The following WWOX variants were observed in gnomAD, a reference collection of about 807,000 sequenced individuals.
WWOX encodes WW domain-containing oxidoreductase.
Under a neutral mutation model 46.2 loss-of-function variants are expected in WWOX, and 69 were observed. The ratio of observed to expected loss-of-function variants is 1.49; its 90% CI spans 1.23 to 1.82. The LOEUF (loss-of-function observed/expected upper bound fraction) is 1.82. Ranked by LOEUF, WWOX falls within the 40% of genes most tolerant of loss-of-function variation. WWOX has a pLI of 0.00. For synonymous variants in WWOX, 359 were observed against 202.6 expected (o/e 1.77, Z -6.56); for missense variants, 919 against 542.6 (o/e 1.69, Z -6.89).
At chr16:78,646,040 T>A (rs2046832492) in intron 8 of WWOX, among the ~76,000 whole-genome samples, 1 of 152,152 alleles carries the variant, frequency 6.6e-6, no homozygotes, top group African/African-American at 2.4e-5. Flanking sequence ...ACCTTTTAGA[T>A]CCTTTGTGAC....
At chr16:78,474,829 C>G (rs1028960112) in intron 8 of WWOX, among the ~76,000 whole-genome samples, 14 of 152,162 alleles carry the variant, frequency 9.2e-5, no homozygotes, top group African/African-American at 1.9e-4. Flanking sequence ...TGGGCTCACA[C>G]GATATGTGGT....
At chr16:78,968,539 C>G (rs1424042178) in intron 8 of WWOX, among the ~76,000 whole-genome samples, 4 of 152,180 alleles carry the variant, frequency 2.6e-5, no homozygotes, top group African/African-American at 9.7e-5. Context: ...ATTATGATGA[C>G]TGTTATAAGT....
intron 8 of WWOX, among the ~76,000 whole-genome samples, chr16:78,931,839 C>A (rs929045113): frequency 2.0e-5 from 3 of 152,288 alleles, no homozygotes; most frequent in Non-Finnish European, 1.5e-5. Context: ...ATAATCCCCA[C>A]GCCACATGGG....
intron 6 of WWOX, among the ~76,000 whole-genome samples, chr16:78,422,229 C>T (rs1203365350): frequency 6.6e-6 from 1 of 152,102 alleles, no homozygotes. Flanking sequence ...ATATTCGTCA[C>T]TTTTGTTCCA....
intron 8 of WWOX, among the ~76,000 whole-genome samples, chr16:78,783,197 G>C (rs531229603): frequency 2.0e-5 from 3 of 152,318 alleles, no homozygotes; most frequent in South Asian, 4.1e-4. Context: ...CTGATAATTG[G>C]AGATACATGC....
At chr16:78,320,625 A>G (rs569655971) in intron 5 of WWOX, among the ~76,000 whole-genome samples, 2 of 152,360 alleles carry the variant, frequency 1.3e-5, no homozygotes, top group South Asian at 4.1e-4. Flanking sequence ...TCAACCAAAG[A>G]CAGCAGGCTG....
intron 7 of WWOX, among the ~76,000 whole-genome samples, chr16:78,429,093 C>G (rs968766550): frequency 2.0e-5 from 3 of 152,186 alleles, no homozygotes; most frequent in Non-Finnish European, 2.9e-5. Context: ...TGAGTCCTTA[C>G]TATGTGTCAG....
intron 8 of WWOX, among the ~76,000 whole-genome samples, chr16:78,715,920 T>C (rs1396710090): frequency 6.6e-6 from 1 of 152,050 alleles, no homozygotes; most frequent in Non-Finnish European, 1.5e-5. Context: ...CTGCCAGAGG[T>C]AGAGCCTTGG....
chr16:78,808,652 T>A (rs544840298), intron 8 of WWOX, among the ~76,000 whole-genome samples: 40 of 152,316 alleles, frequency 2.6e-4, no homozygotes, highest in African/African-American at 8.7e-4. Context: ...CATGCCATCA[T>A]CTTTAATTTC....
intron 8 of WWOX, among the ~76,000 whole-genome samples, chr16:79,097,586 C>A (rs2049102771): frequency 6.6e-6 from 1 of 152,090 alleles, no homozygotes. Flanking sequence ...CTACTGAGAA[C>A]CAGAGAGAGC....
chr16:78,478,863 C>G (rs935759485), intron 8 of WWOX, among the ~76,000 whole-genome samples: 4 of 152,048 alleles, frequency 2.6e-5, no homozygotes, highest in Non-Finnish European at 4.4e-5. Context: ...CAAGCCCTTT[C>G]TGAATAAGCT....
At chr16:78,601,886 G>A (rs918142336) in intron 8 of WWOX, among the ~76,000 whole-genome samples, 1 of 152,094 alleles carries the variant, frequency 6.6e-6, no homozygotes, top group Non-Finnish European at 1.5e-5. Flanking sequence ...TTTAAGTGCC[G>A]AGCTGGGTTT....
chr16:78,331,129 G>T (rs1287728927), intron 5 of WWOX, among the ~76,000 whole-genome samples: 1 of 152,124 alleles, frequency 6.6e-6, no homozygotes, highest in African/African-American at 2.4e-5. Flanking sequence ...TACGGTCCCT[G>T]AATATGTTCG....
chr16:78,557,757 G>A (rs944485642), intron 8 of WWOX, among the ~76,000 whole-genome samples: 5 of 143,622 alleles, frequency 3.5e-5, no homozygotes, highest in South Asian at 2.2e-4. Flanking sequence ...GTGCAGTGGC[G>A]CGATGTCAGC....
In WWOX at chr16:78,906,669, G is replaced by A. The variant is rs560974498; in HGVS notation, c.1057-304939G>A. 2.0e-5 allele frequency among the ~76,000 whole-genome samples: 3 copies of A among 152,334 alleles called. No homozygotes were observed. The South Asian group carries it at 6.2e-4, about 32-fold the overall frequency. ...AAAGGTTACTGTTGGATGAAAGTTT[G>A]CATTTTGTTGTGGTGTGGGAAGGAC... On this transcript the variant is annotated intron_variant, in intron 8 of 8. Transcript: ENST00000566780.
At chr16:79,127,145 G>T (rs894852312) in intron 8 of WWOX, among the ~76,000 whole-genome samples, 1 of 151,822 alleles carries the variant, frequency 6.6e-6, no homozygotes, top group African/African-American at 2.4e-5. Context: ...AGGTGTATAT[G>T]TATATATATT....
chr16:78,613,953 G>A (rs553431337), intron 8 of WWOX, among the ~76,000 whole-genome samples: 4 of 152,146 alleles, frequency 2.6e-5, no homozygotes, highest in Admixed American at 1.3e-4. Flanking sequence ...GTTGGTTTAC[G>A]TACTGCGATG....
At chr16:78,817,220 G>C (rs944957167) in intron 8 of WWOX, among the ~76,000 whole-genome samples, 1 of 107,950 alleles carries the variant, frequency 9.3e-6, no homozygotes, top group African/African-American at 3.6e-5. Flanking sequence ...CCCTGACTCT[G>C]ATTCACAAAG....
intron 8 of WWOX, among the ~76,000 whole-genome samples, chr16:78,955,656 T>C (rs1445987242): frequency 6.6e-6 from 1 of 150,634 alleles, no homozygotes; most frequent in Non-Finnish European, 1.5e-5. Context: ...TTTATTTTTG[T>C]TTTTTTTGTT....
Sources: gnomAD v4.1 joint callset for allele counts (sites outside exome capture counted in the v4.1 genomes callset) on GRCh38, gnomAD v4.1.1 for gene constraint, MANE v1.5 for transcripts, NCBI Gene and HGNC (gene_info 2026-07-23, HGNC 2026-07-21) for gene names.